Variants in SLC39A11 observed in about 807,000 individuals in gnomAD.
The protein encoded by SLC39A11 is solute carrier family 39 member 11, also known as zinc transporter ZIP11.
In SLC39A11, 33 loss-of-function variants were observed where a neutral mutation model predicts 36.1. The ratio of observed to expected loss-of-function variants is 0.91; its 90% CI spans 0.69 to 1.22. The LOEUF (loss-of-function observed/expected upper bound fraction) is 1.22, where lower values mean the gene tolerates loss of function less well. Ranked by LOEUF, SLC39A11 falls within the 50% of genes most tolerant of loss-of-function variation. SLC39A11 has a pLI of 0.00. For missense variants in SLC39A11, 432 were observed against 430.3 expected, an observed-to-expected ratio of 1.00 and a Z score of -0.03; for synonymous variants, 166 against 170.3, an observed-to-expected ratio of 0.97 and a Z score of 0.20.
chr17:72,905,771 T>TG (rs1179688310), intron 5 of SLC39A11, among the ~76,000 whole-genome samples: 8 of 151,656 alleles, frequency 5.3e-5, no homozygotes, highest in African/African-American at 1.9e-4. Context: ...TTTTTTTTTT[T>TG]GAGACAGAGT....
At chr17:72,793,709 C>T (rs971392000) in intron 6 of SLC39A11, among the ~76,000 whole-genome samples, 2 of 152,150 alleles carry the variant, frequency 1.3e-5, no homozygotes, top group Non-Finnish European at 1.5e-5. Flanking sequence ...GGATTACAGG[C>T]GTGAGCTGCC....
intron 7 of SLC39A11, among the ~76,000 whole-genome samples, chr17:72,706,004 C>T (rs1288946933): frequency 6.6e-6 from 1 of 152,126 alleles, no homozygotes; most frequent in Non-Finnish European, 1.5e-5. Flanking sequence ...TTTCTGGTCC[C>T]CAGGACACGT....
rs1337385663 is a variant in SLC39A11, at chr17:72,779,362, T to A, written c.602-42643A>T. Reference sequence around the variant, plus strand: ...ATCACTTGAACCTGGGAGGCGGAGGTTGCAGTGAGCCGAGATTGGACCATT... The same window carrying A: ...ATCACTTGAACCTGGGAGGCGGAGGATGCAGTGAGCCGAGATTGGACCATT... On this transcript the variant is annotated intron_variant, in intron 6 of 9. Transcript: ENST00000255559. Among the ~76,000 whole-genome samples the A allele has an allele frequency of 2.0e-5, 3 of 151,888 alleles. 1 individual carries two copies. The South Asian group carries it at 6.2e-4, about 32-fold the overall frequency.
chr17:72,902,641 C>T (rs1487829601), intron 5 of SLC39A11, among the ~76,000 whole-genome samples: 2 of 152,186 alleles, frequency 1.3e-5, no homozygotes, highest in Non-Finnish European at 2.9e-5. Context: ...TGGTCCATAC[C>T]AGCATGCCAA....
At chr17:72,912,286 C>T (rs1195135640) in intron 5 of SLC39A11, among the ~76,000 whole-genome samples, 3 of 151,882 alleles carry the variant, frequency 2.0e-5, no homozygotes, top group Admixed American at 1.3e-4. Flanking sequence ...CTACAGAGGA[C>T]CTAGTGCAGT....
At chr17:73,027,746 T>C (rs1453510294) in intron 4 of SLC39A11, among the ~76,000 whole-genome samples, 1 of 152,148 alleles carries the variant, frequency 6.6e-6, no homozygotes, top group Non-Finnish European at 1.5e-5. Context: ...CGAACACATA[T>C]AACCAGGGTG....
chr17:72,837,133 C>T (rs1235434881), intron 6 of SLC39A11, among the ~76,000 whole-genome samples: 2 of 152,108 alleles, frequency 1.3e-5, no homozygotes, highest in Non-Finnish European at 2.9e-5. Context: ...TCCAGGCTCA[C>T]ATCACCAATG....
chr17:73,081,837 A>G (rs1230550359), intron 3 of SLC39A11, among the ~76,000 whole-genome samples: 2 of 151,418 alleles, frequency 1.3e-5, no homozygotes, highest in African/African-American at 4.8e-5. Context: ...AGCAATCTGG[A>G]TGGAATTCAT....
chr17:73,049,987 G>A (rs2059439568), intron 3 of SLC39A11, among the ~76,000 whole-genome samples: 1 of 152,174 alleles, frequency 6.6e-6, no homozygotes, highest in Non-Finnish European at 1.5e-5. Flanking sequence ...GCCGGGCGGA[G>A]TGGCACGTCT....
chr17:72,662,171 G>A (rs1244010612), intron 7 of SLC39A11, among the ~76,000 whole-genome samples: 6 of 152,124 alleles, frequency 3.9e-5, no homozygotes, highest in Admixed American at 2.6e-4. Context: ...CAGGAGATGG[G>A]TGGGAGGACT....
chr17:73,019,578 T>C (rs2148573381), intron 4 of SLC39A11, among the ~76,000 whole-genome samples: 1 of 152,318 alleles, frequency 6.6e-6, no homozygotes, highest in African/African-American at 2.4e-5. Context: ...TTAAGGAAAC[T>C]GTAATCCCTA....
chr17:72,660,099 C>T (rs956591886), intron 7 of SLC39A11, among the ~76,000 whole-genome samples: 1 of 152,088 alleles, frequency 6.6e-6, no homozygotes, highest in Non-Finnish European at 1.5e-5. Flanking sequence ...ATTTATTAGC[C>T]ATCTCCACTC....
chr17:73,006,463 A>C (rs2090184377), intron 4 of SLC39A11, among the ~76,000 whole-genome samples: 1 of 152,174 alleles, frequency 6.6e-6, no homozygotes, highest in Non-Finnish European at 1.5e-5. Context: ...AGGAAGGGGA[A>C]GGGAGAAGAG....
intron 5 of SLC39A11, among the ~76,000 whole-genome samples, chr17:72,939,110 T>G (rs1040606139): frequency 6.6e-6 from 1 of 152,184 alleles, no homozygotes; most frequent in Non-Finnish European, 1.5e-5. Flanking sequence ...TTGGTCAATG[T>G]ACAGTGCTGA....
In SLC39A11 at chr17:73,045,099, G is replaced by T. The variant is rs1185670516; in HGVS notation, c.148-13385C>A. 2.6e-5 allele frequency among the ~76,000 whole-genome samples: 4 copies of T among 151,880 alleles called. No individual in the cohort carries two copies. In the South Asian group the frequency reaches 6.3e-4, roughly 24 times the overall value. On this transcript the variant is annotated intron_variant, in intron 3 of 9. Transcript: ENST00000255559. ...AGCATGTTGGGTATCCAGGTTCTGG[G>T]GTCTATCCTAAAATGGCCTCTCTGG...
chr17:72,911,008 G>A (rs895576577), intron 5 of SLC39A11, among the ~76,000 whole-genome samples: 6 of 151,452 alleles, frequency 4.0e-5, no homozygotes, highest in South Asian at 2.1e-4. Context: ...CAGAACCTCC[G>A]TGGGACTTCT....
intron 7 of SLC39A11, 101 bp downstream of exon 7, chr17:72,736,549 T>C (rs976909922): frequency 9.2e-6 from 9 of 980,730 alleles, no homozygotes; most frequent in Non-Finnish European, 1.5e-5. Context: ...GGGGCTGGGG[T>C]GCTGAACAAT....
chr17:72,758,042 T>C (rs1161821723), intron 6 of SLC39A11, among the ~76,000 whole-genome samples: 1 of 152,100 alleles, frequency 6.6e-6, no homozygotes, highest in East Asian at 1.9e-4. Context: ...TGTGCCACCA[T>C]GCCTGGCTAA....
At chr17:73,019,636 A>G (rs997908564) in intron 4 of SLC39A11, among the ~76,000 whole-genome samples, 4 of 152,182 alleles carry the variant, frequency 2.6e-5, no homozygotes, top group African/African-American at 9.7e-5. Flanking sequence ...TAAATCCAGT[A>G]AAGAAACTAA....
Sources: allele counts gnomAD v4.1 joint callset (sites outside exome capture counted in the v4.1 genomes callset), GRCh38; gene constraint gnomAD v4.1.1; transcripts MANE v1.5; gene names NCBI Gene and HGNC (gene_info 2026-07-23, HGNC 2026-07-21).